Variants in NIPBL observed in about 807,000 individuals in gnomAD.
The protein encoded by NIPBL is nipped-B-like protein.
NIPBL carries 19 observed loss-of-function variants against 321.8 expected under a neutral mutation model. The ratio of observed to expected loss-of-function variants is 0.06; its 90% CI spans 0.04 to 0.09. The LOEUF is 0.09. NIPBL is among the 10% of genes least tolerant of loss of function. The pLI, the probability that NIPBL is intolerant of heterozygous loss-of-function variation, is 1.00. For missense variants in NIPBL, 2,210 were observed against 3,327.0 expected (o/e 0.66, Z 8.26); for synonymous variants, 1,106 against 1,114.1 (o/e 0.99, Z 0.14).
chr5:36,978,418 T>C (rs749007419), intron 9 of NIPBL, among the ~76,000 whole-genome samples: 14 of 152,070 alleles, frequency 9.2e-5, no homozygotes, highest in Admixed American at 3.3e-4. Flanking sequence ...TCTGTTCATG[T>C]CTTTTGCCCA....
At chr5:36,969,426 T>G (rs1742604572) in intron 6 of NIPBL, among the ~76,000 whole-genome samples, 2 of 152,084 alleles carry the variant, frequency 1.3e-5, no homozygotes, top group South Asian at 4.1e-4. Flanking sequence ...TAACATATAG[T>G]GAAGTAGAAC....
At chr5:36,899,930 AG>A (rs1747073411) in intron 1 of NIPBL, among the ~76,000 whole-genome samples, 1 of 152,196 alleles carries the variant, frequency 6.6e-6, no homozygotes, top group Non-Finnish European at 1.5e-5. Flanking sequence ...ATCTAGAAGG[AG>A]TTAAACAGAA....
intron 20 of NIPBL, 82 bp downstream of exon 20, chr5:37,008,805 C>A: frequency 1.2e-6 from 1 of 803,874 alleles, no homozygotes; most frequent in Non-Finnish European, 2.2e-6. Context: ...TCATTTCTGT[C>A]TGATTTATAT....
Position 36,876,823 on chromosome 5 carries a change from T to TGGGGGGGGGGG in NIPBL, c.-435_-434insGGGGGGGGGGG. ...AGAGAGAGACACACACAGGGCTCCT[T>TGGGGGGGGGGG]CCCCCCGCCCTCCCCCCCCTCCCTC... On this transcript the variant is annotated 5_prime_UTR_variant, in exon 1 of 47. Coordinates refer to ENST00000282516, the MANE Select transcript of NIPBL (RefSeq NM_133433.4). 1 of 352,496 alleles carries TGGGGGGGGGGG rather than the reference T, an allele frequency of 2.8e-6. No homozygotes were observed. Among genetic ancestry groups the TGGGGGGGGGGG allele is most frequent in the African/African-American group, 2.6e-5 (1 of 38,610 alleles). 21.8% of individuals were successfully genotyped at this position (352,496 alleles called of 1,614,324 possible).
chr5:37,059,342 A>G, intron 44 of NIPBL, among the ~76,000 whole-genome samples, 177 bp downstream of exon 44: 1 of 152,142 alleles, frequency 6.6e-6, no homozygotes, highest in East Asian at 1.9e-4. Context: ...CGCCATCTCT[A>G]TTAAAAATAC....
chr5:36,992,803 C>T lies in NIPBL; in HGVS notation c.3122-2819C>T, dbSNP rs139801234. Among the ~76,000 whole-genome samples, 190 of 151,572 alleles carry T rather than the reference C, an allele frequency of 1.3e-3. 2 individuals carry two copies. Among genetic ancestry groups the T allele is most frequent in the East Asian group, 7.2e-3 (37 of 5,152 alleles). On this transcript the variant is annotated intron_variant, in intron 10 of 46. Coordinates refer to ENST00000282516, the MANE Select transcript of NIPBL (RefSeq NM_133433.4). Reference sequence around the variant, plus strand: ...TGTTGCCCAGGCTGGAGTGCAGTGGCGTGATCTTGGCTCACTGCAGACTCC... The same window carrying T: ...TGTTGCCCAGGCTGGAGTGCAGTGGTGTGATCTTGGCTCACTGCAGACTCC...
chr5:37,005,451 C>T (rs1005100209), intron 16 of NIPBL, among the ~76,000 whole-genome samples: 7 of 152,000 alleles, frequency 4.6e-5, no homozygotes, highest in South Asian at 2.1e-4. Flanking sequence ...CCCTAAAAAC[C>T]GTAACAGTAT....
At chr5:37,013,168 G>A (rs1315373208) in intron 21 of NIPBL, among the ~76,000 whole-genome samples, 1 of 148,984 alleles carries the variant, frequency 6.7e-6, no homozygotes, top group Non-Finnish European at 1.5e-5. Context: ...CCAGGCGGGG[G>A]GCTGACCCCC....
chr5:37,037,313 G>A (rs943744656), intron 33 of NIPBL, among the ~76,000 whole-genome samples: 1 of 150,994 alleles, frequency 6.6e-6, no homozygotes, highest in Admixed American at 6.6e-5. Context: ...GCATGAGCCC[G>A]GGAGGCAGAG....
chr5:37,061,677 C>G (rs1158216602), intron 45 of NIPBL, among the ~76,000 whole-genome samples: 1 of 152,074 alleles, frequency 6.6e-6, no homozygotes, highest in Non-Finnish European at 1.5e-5. Context: ...GAAACCCTGT[C>G]TCAAAAAAAT....
At chr5:36,970,108 G>C (rs1342688856) in intron 6 of NIPBL, among the ~76,000 whole-genome samples, 3 of 152,064 alleles carry the variant, frequency 2.0e-5, no homozygotes, top group Non-Finnish European at 4.4e-5. Flanking sequence ...ATTTACACCA[G>C]GCACAGTGGC....
chr5:36,942,916 A>T (rs1258768933), intron 1 of NIPBL, among the ~76,000 whole-genome samples: 1 of 152,134 alleles, frequency 6.6e-6, no homozygotes, highest in Non-Finnish European at 1.5e-5. Context: ...ACTGAAAAAA[A>T]GTTTTAATTC....
intron 44 of NIPBL, among the ~76,000 whole-genome samples, chr5:37,059,982 G>T (rs1471583748): frequency 6.6e-6 from 1 of 152,140 alleles, no homozygotes; most frequent in African/African-American, 2.4e-5. Flanking sequence ...TGAAATCTAA[G>T]ATTAGGAATC....
intron 1 of NIPBL, among the ~76,000 whole-genome samples, chr5:36,920,949 C>A (rs1748891077): frequency 6.6e-6 from 1 of 151,322 alleles, no homozygotes; most frequent in African/African-American, 2.4e-5. Flanking sequence ...TTATCTTTTG[C>A]TTTTACTATT....
chr5:37,023,750 C>CTTT (rs779595045), intron 29 of NIPBL, among the ~76,000 whole-genome samples: 25 of 75,852 alleles, frequency 3.3e-4, no homozygotes, highest in African/African-American at 5.1e-4. Context: ...TTTTCTTATT[C>CTTT]TTTTTTTTTT....
intron 5 of NIPBL, 57 bp downstream of exon 5, chr5:36,961,640 G>GA (rs1333992772): frequency 9.5e-7 from 1 of 1,051,296 alleles, no homozygotes; most frequent in Non-Finnish European, 1.5e-6. Context: ...ATATGCTGGT[G>GA]AATATATGGT....
chr5:36,990,265 A>G (rs1339201415), intron 10 of NIPBL, among the ~76,000 whole-genome samples: 1 of 152,198 alleles, frequency 6.6e-6, no homozygotes, highest in African/African-American at 2.4e-5. Flanking sequence ...CACTTCAGTT[A>G]TCTACTGTTA....
chr5:37,006,057 G>A (rs1279561239), intron 16 of NIPBL, among the ~76,000 whole-genome samples: 1 of 152,028 alleles, frequency 6.6e-6, no homozygotes, highest in African/African-American at 2.4e-5. Context: ...TGCAGTTAAA[G>A]TCATAAGCTA....
intron 29 of NIPBL, 31 bp from the exon 30 acceptor site, chr5:37,024,554 C>A: frequency 6.3e-7 from 1 of 1,582,096 alleles, no homozygotes; most frequent in South Asian, 1.1e-5. Context: ...CTCAATTTTT[C>A]TGACTCTTAA....
Sources: allele counts gnomAD v4.1 joint callset (sites outside exome capture counted in the v4.1 genomes callset), GRCh38; gene constraint gnomAD v4.1.1; transcripts MANE v1.5; gene names NCBI Gene and HGNC (gene_info 2026-07-23, HGNC 2026-07-21).